The following PKD1L1 variants were observed in gnomAD, a reference collection of about 807,000 sequenced individuals.
PKD1L1 encodes polycystin 1 like 1, transient receptor potential channel interacting.
In PKD1L1, 236 loss-of-function variants were observed where a neutral mutation model predicts 323.4. That is an observed-to-expected ratio of 0.73 (90% CI 0.66 to 0.81). The LOEUF is 0.81. Among genes scored for constraint, PKD1L1 ranks in the 40% least tolerant of loss-of-function variants. PKD1L1 has a pLI of 0.00. For synonymous variants in PKD1L1, 1,344 were observed against 1,335.0 expected (o/e 1.01, Z -0.15); for missense variants, 3,320 against 3,508.0 (o/e 0.95, Z 1.35).
At chr7:47,921,238 C>CAAAAAAAAAA (rs139205889) in intron 7 of PKD1L1, among the ~76,000 whole-genome samples, 4 of 79,594 alleles carry the variant, frequency 5.0e-5, no homozygotes, top group African/African-American at 1.0e-4. Context: ...AGACAATTCT[C>CAAAAAAAAAA]AAAAAAAAAA....
At chr7:47,956,878 A>G in the PKD1L1 span, 1 of 155,586 alleles carries the variant, frequency 6.4e-6, no homozygotes, top group Non-Finnish European at 1.4e-5. Context: ...AAACCAGAGA[A>G]AAACACTGTC....
chr7:47,869,046 T>C (rs139570079), intron 24 of PKD1L1, among the ~76,000 whole-genome samples: 2 of 152,308 alleles, frequency 1.3e-5, no homozygotes, highest in East Asian at 3.9e-4. Context: ...TTAATATAAA[T>C]TTGAAGTAGT....
intron 31 of PKD1L1, 98 bp downstream of exon 31, chr7:47,853,029 T>A (rs1785815689): frequency 1.2e-6 from 1 of 814,326 alleles, no homozygotes; most frequent in Admixed American, 2.2e-5. Context: ...GATGTTTTTG[T>A]CATGAATAAA....
At chr7:47,959,283 ATCGTCTGGGATGTGAGGAGC>A in the PKD1L1 span, among the ~76,000 whole-genome samples, 2 of 133,394 alleles carry the variant, frequency 1.5e-5, no homozygotes, top group Non-Finnish European at 3.2e-5. Context: ...CTGGCCGCCC[ATCGTCTGGGATGTGAGGAGC>A]CCCTCTGCCT....
Position 47,857,824 on chromosome 7 carries a change from G to A in PKD1L1, c.4371C>T (p.Leu1457=). The A allele has an allele frequency of 1.2e-6, 2 of 1,614,110 alleles. No individual in the cohort carries two copies. Among genetic ancestry groups the A allele is most frequent in the Non-Finnish European group, 1.7e-6 (2 of 1,179,980 alleles). ...GCCCAGTGCTAACATGGTTCAAAGA[G>A]AGACAACCCTGAAACATAGAGCATA... The part of the protein sequence containing the change: ...TVISDLLLGC[L]SLNHVSTGQM... The change falls in exon 28 of 57, where the codon CTC becomes CTT. Residue 1457 remains leucine, a synonymous_variant. Coordinates refer to ENST00000289672, the MANE Select transcript of PKD1L1 (RefSeq NM_138295.5).
intron 7 of PKD1L1, among the ~76,000 whole-genome samples, chr7:47,920,012 G>A (rs1161624416): frequency 6.6e-6 from 1 of 152,098 alleles, no homozygotes; most frequent in Admixed American, 6.5e-5. Context: ...GGAAGTCCTA[G>A]CCAGAGCAAT....
At chr7:47,887,061 G>T (rs1786701261) in intron 17 of PKD1L1, among the ~76,000 whole-genome samples, 1 of 152,140 alleles carries the variant, frequency 6.6e-6, no homozygotes, top group African/African-American at 2.4e-5. Flanking sequence ...TGTTTCCACT[G>T]CAAGTTCCTC....
chr7:47,932,688 C>A (rs536095589), intron 4 of PKD1L1, among the ~76,000 whole-genome samples: 1 of 152,204 alleles, frequency 6.6e-6, no homozygotes, highest in South Asian at 2.1e-4. Flanking sequence ...CCTTTCTCGG[C>A]GGCGGCTCCA....
intron 22 of PKD1L1, among the ~76,000 whole-genome samples, chr7:47,876,931 C>A (rs1175787704): frequency 6.6e-6 from 1 of 152,152 alleles, no homozygotes; most frequent in Admixed American, 6.5e-5. Flanking sequence ...AGGCACCTAC[C>A]ACCACACCCA....
rs954424050 is a variant in PKD1L1, at chr7:47,946,827, G to A, written c.44+1570C>T. Among the ~76,000 whole-genome samples, 3 of 144,112 alleles carry A rather than the reference G, an allele frequency of 2.1e-5. No individual in the cohort carries two copies. Among genetic ancestry groups the A allele is most frequent in the African/African-American group, 5.9e-5 (2 of 33,828 alleles). The allele number at this position is 144,112 out of a possible 152,430, so 94.5% of individuals were successfully genotyped here. ...GCTATGACTTCAGAAATGGGGCCTC[G>A]ACACCAATTACAATGGCTAGTGCGT... On this transcript the variant is annotated intron_variant, in intron 1 of 56. Coordinates refer to ENST00000289672, the MANE Select transcript of PKD1L1 (RefSeq NM_138295.5). This position sits in a 1 kb window ranked among gnomAD's most constrained non-coding sequence, Gnocchi z 4.1.
In PKD1L1 at chr7:47,899,727, T is replaced by C. The variant is rs569272970; in HGVS notation, c.2065-1533A>G. Among the ~76,000 whole-genome samples the C allele has an allele frequency of 5.8e-3, 888 of 151,938 alleles. 7 individuals carry two copies. Among genetic ancestry groups the C allele is most frequent in the Non-Finnish European group, 7.9e-3 (537 of 67,936 alleles). On this transcript the variant is annotated intron_variant, in intron 13 of 56. Transcript: ENST00000289672. ...ATCCCAGCACTTTGGGAGGCCAAGG[T>C]GGGCGGATCACGAGGTCAGGAGATC...
At chr7:47,883,605 C>T (rs1024653938) in intron 19 of PKD1L1, among the ~76,000 whole-genome samples, 5 of 152,158 alleles carry the variant, frequency 3.3e-5, no homozygotes, top group African/African-American at 1.2e-4. Flanking sequence ...TTGTTTTTCT[C>T]TCCTCTGTGG....
At chr7:47,937,246 G>A in intron 3 of PKD1L1, among the ~76,000 whole-genome samples, 1 of 121,084 alleles carries the variant, frequency 8.3e-6, no homozygotes, top group African/African-American at 3.1e-5. Flanking sequence ...GCGGGGTCGG[G>A]ACGGGGTGGG....
intron 21 of PKD1L1, among the ~76,000 whole-genome samples, chr7:47,880,267 T>C (rs1315334997): frequency 5.2e-5 from 4 of 77,558 alleles, no homozygotes; most frequent in South Asian, 4.2e-4. Context: ...TATATATACA[T>C]ATATATATAT....
chr7:47,821,844 C>T (rs1264459232), intron 45 of PKD1L1, among the ~76,000 whole-genome samples: 1 of 151,984 alleles, frequency 6.6e-6, no homozygotes. Context: ...CCCACCACCA[C>T]GCCATGCTAA....
At chr7:47,800,438 G>A (rs1000922365) in intron 54 of PKD1L1, among the ~76,000 whole-genome samples, 6 of 152,176 alleles carry the variant, frequency 3.9e-5, no homozygotes, top group African/African-American at 1.2e-4. Context: ...GGCTGCTCTC[G>A]TGCTGGACTA....
At position 47,775,230 on chromosome 7, in the gene PKD1L1, A is replaced by G. The variant is rs1409290705; in HGVS notation, c.8527-64T>C. 5 of 1,600,924 alleles carry G rather than the reference A, an allele frequency of 3.1e-6. No individual in the cohort carries two copies. The Admixed American group carries it at 8.4e-5, about 27-fold the overall frequency. ...CCTCTCTCAGTGATTGACAGAACAAATAGGCAGAAAGGCAGCAAGTGCTGA... is the reference window on the plus strand; with the variant it reads ...CCTCTCTCAGTGATTGACAGAACAAGTAGGCAGAAAGGCAGCAAGTGCTGA... On this transcript the variant is annotated intron_variant, in intron 56 of 56. Transcript: ENST00000289672.
intron 45 of PKD1L1, among the ~76,000 whole-genome samples, chr7:47,825,388 G>T (rs976338292): frequency 1.3e-5 from 2 of 151,782 alleles, no homozygotes; most frequent in Non-Finnish European, 2.9e-5. Flanking sequence ...AAAATTAGCC[G>T]GGCATGGTGG....
intron 13 of PKD1L1, among the ~76,000 whole-genome samples, chr7:47,898,701 T>A (rs993443482): frequency 2.0e-5 from 3 of 152,118 alleles, no homozygotes; most frequent in African/African-American, 4.8e-5. Context: ...TGACATTTAA[T>A]CCCTAAATAC....
Sources: allele counts gnomAD v4.1 joint callset (sites outside exome capture counted in the v4.1 genomes callset), GRCh38; gene constraint gnomAD v4.1.1; non-coding constraint Gnocchi (gnomAD v3.1); transcripts MANE v1.5; gene names NCBI Gene and HGNC (gene_info 2026-07-23, HGNC 2026-07-21).